Variants in XXYLT1 observed in about 807,000 individuals in gnomAD.
XXYLT1 encodes the protein UDP-xylose:alpha-xyloside alpha-1,3-xylosyltransferase.
XXYLT1 carries 20 observed loss-of-function variants against 28.9 expected under a neutral mutation model. The ratio of observed to expected loss-of-function variants is 0.69; its 90% CI spans 0.49 to 1.00. The LOEUF (loss-of-function observed/expected upper bound fraction) is 1.00. Among genes scored for constraint, XXYLT1 ranks in the 50% least tolerant of loss-of-function variants. The pLI, the probability that XXYLT1 is intolerant of heterozygous loss-of-function variation, is 0.00. For synonymous variants in XXYLT1, 257 were observed against 253.8 expected (o/e 1.01, Z -0.12); for missense variants, 542 against 560.1 (o/e 0.97, Z 0.33).
Position 195,156,584 on chromosome 3 carries a change from G to C in XXYLT1, c.653-3C>G, listed in dbSNP as rs1466041915. On this transcript the variant is annotated splice_region_variant and splice_polypyrimidine_tract_variant and intron_variant, in intron 2 of 3. Transcript: ENST00000310380. ...CAGCTGAATGATCTGCAGGATCTCT[G>C]CGGGAAAGAGAAAAGGACAATGAGA... The C allele has an allele frequency of 6.2e-7, 1 of 1,613,900 alleles. No homozygotes were observed. Among genetic ancestry groups the C allele is most frequent in the Non-Finnish European group, 8.5e-7 (1 of 1,179,966 alleles).
At chr3:195,164,089 A>T (rs1720998622) in intron 2 of XXYLT1, among the ~76,000 whole-genome samples, 1 of 152,252 alleles carries the variant, frequency 6.6e-6, no homozygotes, top group African/African-American at 2.4e-5. Flanking sequence ...AATGGGATGC[A>T]GTTGTAAATA....
chr3:195,101,256 G>A (rs1418314566), intron 3 of XXYLT1, among the ~76,000 whole-genome samples: 3 of 152,252 alleles, frequency 2.0e-5, no homozygotes, highest in Non-Finnish European at 1.5e-5. Context: ...AATTGATTGG[G>A]AGCAATTAAG....
chr3:195,133,347 T>C lies in XXYLT1; in HGVS notation c.785+23102A>G, dbSNP rs1354753957. Among the ~76,000 whole-genome samples the C allele has an allele frequency of 6.7e-6, 1 of 148,578 alleles. No homozygotes were observed. The highest frequency in any genetic ancestry group is 1.5e-5 in the Non-Finnish European group (1 of 67,052). Reference sequence around the variant, plus strand: ...CTGAGCCAGCCCTTGGGGTGGGGAGTGGGAGAGGGGGAAGAAGGGTGGGAA... The same window carrying C: ...CTGAGCCAGCCCTTGGGGTGGGGAGCGGGAGAGGGGGAAGAAGGGTGGGAA... On this transcript the variant is annotated intron_variant, in intron 3 of 3. Coordinates refer to ENST00000310380, the MANE Select transcript of XXYLT1 (RefSeq NM_152531.5). The surrounding 1 kb of genome is among the most constrained non-coding windows in gnomAD (Gnocchi z 4.4).
intron 3 of XXYLT1, among the ~76,000 whole-genome samples, chr3:195,071,459 C>T (rs752585584): frequency 2.0e-5 from 3 of 152,188 alleles, no homozygotes; most frequent in Admixed American, 1.3e-4. Flanking sequence ...CAAGGTCTCA[C>T]GTATCACAGA....
intron 2 of XXYLT1, among the ~76,000 whole-genome samples, chr3:195,211,947 C>T (rs1723333004): frequency 7.0e-6 from 1 of 141,946 alleles, no homozygotes; most frequent in South Asian, 2.3e-4. Flanking sequence ...GGGCAAGCCA[C>T]GGAATGCCAC....
Position 195,110,434 on chromosome 3 carries a change from T to TATGTG in XXYLT1, c.786-40324_786-40323insCACAT, listed in dbSNP as rs1560101036. ...AGTGCGTCTGTGGTGTATGTGTGCGTGTGTATGTGGTGTAAAGTGTGTGTG... is the reference window on the plus strand; with the variant it reads ...AGTGCGTCTGTGGTGTATGTGTGCGTATGTGGTGTATGTGGTGTAAAGTGTGTGTG... On this transcript the variant is annotated intron_variant, in intron 3 of 3. Transcript: ENST00000310380. 9.1e-4 allele frequency among the ~76,000 whole-genome samples: 120 copies of TATGTG among 131,226 alleles called. 1 individual carries two copies. Among genetic ancestry groups the TATGTG allele is most frequent in the Non-Finnish European group, 1.6e-3 (97 of 61,778 alleles). 86.1% of individuals were successfully genotyped at this position (131,226 alleles called of 152,430 possible).
At chr3:195,160,384 G>T (rs1388108010) in intron 2 of XXYLT1, among the ~76,000 whole-genome samples, 1 of 152,166 alleles carries the variant, frequency 6.6e-6, no homozygotes, top group Non-Finnish European at 1.5e-5. Context: ...CACATTAGAG[G>T]GCTTTCACTG....
Position 195,240,254 on chromosome 3 carries a change from A to G in XXYLT1, c.505-13398T>C, listed in dbSNP as rs555248430. On this transcript the variant is annotated intron_variant, in intron 1 of 3. Coordinates refer to ENST00000310380, the MANE Select transcript of XXYLT1 (RefSeq NM_152531.5). This position sits in a 1 kb window ranked among gnomAD's most constrained non-coding sequence, Gnocchi z 4.7. Reference sequence around the variant, plus strand: ...AGAGGTGAAGCTTGCCTCATATTCTACCATGCACAGCAAACTCAACACTTG... The same window carrying G: ...AGAGGTGAAGCTTGCCTCATATTCTGCCATGCACAGCAAACTCAACACTTG... 5.9e-5 allele frequency among the ~76,000 whole-genome samples: 9 copies of G among 152,212 alleles called. No individual in the cohort carries two copies. In the East Asian group the frequency reaches 1.4e-3, roughly 23 times the overall value.
At chr3:195,116,889 A>C (rs1329148291) in intron 3 of XXYLT1, among the ~76,000 whole-genome samples, 1 of 152,086 alleles carries the variant, frequency 6.6e-6, no homozygotes. Flanking sequence ...ATGGCAGATA[A>C]TCCTATACAA....
At chr3:195,131,369 A>G (rs748868678) in intron 3 of XXYLT1, among the ~76,000 whole-genome samples, 1 of 152,264 alleles carries the variant, frequency 6.6e-6, no homozygotes, top group Non-Finnish European at 1.5e-5. Context: ...TCAGCACCTT[A>G]CAAGTAAGGG....
At chr3:195,212,569 G>T (rs1723370471) in intron 2 of XXYLT1, among the ~76,000 whole-genome samples, 1 of 152,122 alleles carries the variant, frequency 6.6e-6, no homozygotes, top group Admixed American at 6.5e-5. Flanking sequence ...GGGCCAGTGA[G>T]CATCACCACC....
At chr3:195,270,349 ACTC>A (rs372383983) in intron 1 of XXYLT1, 1 of 1,186,010 alleles carries the variant, frequency 8.4e-7, no homozygotes, top group African/African-American at 1.6e-5. Context: ...ACGCAGCTCC[ACTC>A]CTCAGCACCA....
chr3:195,186,896 G>GT (rs756410119), intron 2 of XXYLT1, among the ~76,000 whole-genome samples: 3,423 of 137,052 alleles, frequency 0.025, 44 homozygotes, highest in Non-Finnish European at 0.032. Flanking sequence ...ACTGGCTGAA[G>GT]TTTTTTTTTT....
At chr3:195,265,290 A>G (rs1725812870) in intron 1 of XXYLT1, among the ~76,000 whole-genome samples, 1 of 151,890 alleles carries the variant, frequency 6.6e-6, no homozygotes, top group Non-Finnish European at 1.5e-5. Context: ...GAATCGCTTG[A>G]AAGGAGGCAG....
chr3:195,112,885 A>T (rs984038968), intron 3 of XXYLT1, among the ~76,000 whole-genome samples: 33 of 150,824 alleles, frequency 2.2e-4, no homozygotes, highest in Non-Finnish European at 4.4e-4. Flanking sequence ...ACATGTGCGC[A>T]CATACACGCA....
At chr3:195,101,071 A>G (rs1269353149) in intron 3 of XXYLT1, among the ~76,000 whole-genome samples, 1 of 152,258 alleles carries the variant, frequency 6.6e-6, no homozygotes, top group African/African-American at 2.4e-5. Flanking sequence ...CTTCTGGCGC[A>G]ATCCCAGCAG....
intron 2 of XXYLT1, among the ~76,000 whole-genome samples, chr3:195,204,301 C>T (rs1486260690): frequency 1.3e-5 from 2 of 151,482 alleles, no homozygotes; most frequent in African/African-American, 4.9e-5. Context: ...TGAGATTGCA[C>T]CACTGCACTC....
At position 195,150,981 on chromosome 3, in the gene XXYLT1, A is replaced by G. The variant is rs60143196; in HGVS notation, c.785+5468T>C. ...CCTCCTGGTCCCAGTGGCCTCCCCA[A>G]ATGACCCAGTCCACAGTTGGGCTTC... On this transcript the variant is annotated intron_variant, in intron 3 of 3. Transcript: ENST00000310380. The surrounding 1 kb of genome is among the most constrained non-coding windows in gnomAD (Gnocchi z 4.7). Among the ~76,000 whole-genome samples the G allele has an allele frequency of 0.25, 37,288 of 151,494 alleles. 5,325 individuals carry two copies. Among genetic ancestry groups the G allele is most frequent in the East Asian group, 0.57 (2,885 of 5,092 alleles).
At chr3:195,163,408 T>A (rs1408556253) in intron 2 of XXYLT1, among the ~76,000 whole-genome samples, 5 of 152,152 alleles carry the variant, frequency 3.3e-5, no homozygotes, top group African/African-American at 1.2e-4. Flanking sequence ...CAGCTCCTCA[T>A]CCCCACACTG....
Sources: allele counts gnomAD v4.1 joint callset (sites outside exome capture counted in the v4.1 genomes callset), GRCh38; gene constraint gnomAD v4.1.1; non-coding constraint Gnocchi (gnomAD v3.1); transcripts MANE v1.5; gene names NCBI Gene and HGNC (gene_info 2026-07-23, HGNC 2026-07-21).